Variants in PSME4 observed in about 807,000 individuals in gnomAD.
The protein encoded by PSME4 is proteasome activator subunit 4.
In PSME4, 89 loss-of-function variants were observed where a neutral mutation model predicts 253.9. The observed-to-expected ratio is 0.35, with a 90% confidence interval of 0.30 to 0.42. The LOEUF is 0.42. PSME4 is among the 10% of genes least tolerant of loss of function. The pLI, the probability that PSME4 is intolerant of heterozygous loss-of-function variation, is 1.00. For missense variants in PSME4, 2,014 were observed against 2,195.2 expected, an observed-to-expected ratio of 0.92 and a Z score of 1.65; for synonymous variants, 851 against 759.2, an observed-to-expected ratio of 1.12 and a Z score of -1.99.
At position 53,932,731 on chromosome 2, in the gene PSME4, G is replaced by C; in HGVS notation, c.987C>G (p.His329Gln). ...TGATGCTGTTAAACAAACCAGCTAAGTGTTTTTGCACTAGCTTACTTGGTC... is the reference window on the plus strand; with the variant it reads ...TGATGCTGTTAAACAAACCAGCTAACTGTTTTTGCACTAGCTTACTTGGTC... ...MGGPSKLVQK[H>Q]LAGLFNSITS... The change falls in exon 9 of 47, where the codon CAC becomes CAG. Residue 329 changes from histidine (H) to glutamine (Q), a missense_variant. By Grantham distance (24) the His-to-Gln change is conservative (BLOSUM62 0). This residue lies in a region of PSME4 where 615 missense variants were observed against 594.4 expected (regional missense o/e 1.03). Transcript: ENST00000404125. 1 of 1,613,834 alleles carries C rather than the reference G, an allele frequency of 6.2e-7. No individual in the cohort carries two copies. The highest frequency in any genetic ancestry group is 8.5e-7 in the Non-Finnish European group (1 of 1,179,752).
At chr2:53,917,618 TTAGA>T (rs1387537765) in intron 20 of PSME4, among the ~76,000 whole-genome samples, 1 of 152,198 alleles carries the variant, frequency 6.6e-6, no homozygotes, top group Non-Finnish European at 1.5e-5. Flanking sequence ...GCTTTTGCTC[TTAGA>T]TAAATTATTG....
intron 10 of PSME4, among the ~76,000 whole-genome samples, chr2:53,929,528 C>T (rs1342699000): frequency 6.6e-6 from 1 of 151,840 alleles, no homozygotes; most frequent in Non-Finnish European, 1.5e-5. Flanking sequence ...TTCCTGAGCT[C>T]AAACAATCCA....
At chr2:53,866,915 T>G in intron 44 of PSME4, 35 bp from the exon 45 acceptor site, 1 of 1,594,572 alleles carries the variant, frequency 6.3e-7, no homozygotes, top group Non-Finnish European at 8.6e-7. Context: ...TGCAAATATA[T>G]ATATGTCTCT....
Position 53,937,424 on chromosome 2 carries a change from G to C in PSME4, c.662C>G (p.Ser221Cys), listed in dbSNP as rs1321559750. 1 of 1,608,276 alleles carries C rather than the reference G, an allele frequency of 6.2e-7. No homozygotes were observed. Among genetic ancestry groups the C allele is most frequent in the Non-Finnish European group, 8.5e-7 (1 of 1,176,640 alleles). The stretch of plus-strand genomic sequence containing the variant: ...TTTATGATGAAGTTCTGGAGGAAGG[G>C]AGGTAGGAAGAAATATTTCAAAATA... ...ITYFEIFLPTSLPPELHHKGF... is the reference protein window; with the variant it reads ...ITYFEIFLPTCLPPELHHKGF... Residue 221 changes from serine to cysteine, a missense_variant, in exon 5 of 47, where the codon TCC (serine) becomes TGC (cysteine). By Grantham distance (112) the Ser-to-Cys change is moderately radical. Transcript: ENST00000404125.
intron 1 of PSME4, among the ~76,000 whole-genome samples, chr2:53,964,441 T>C (rs914664561): frequency 2.0e-5 from 3 of 152,238 alleles, no homozygotes; most frequent in Non-Finnish European, 4.4e-5. Flanking sequence ...TTTCCCCTTA[T>C]GGAAAATCAA....
intron 12 of PSME4, 84 bp downstream of exon 12, chr2:53,927,310 G>C (rs780973494): frequency 1.0e-5 from 10 of 985,596 alleles, no homozygotes; most frequent in African/African-American, 6.5e-5. Flanking sequence ...TTCCAAAGTC[G>C]TTTCTAAACT....
intron 31 of PSME4, 24 bp downstream of exon 31, chr2:53,897,846 C>T: frequency 6.2e-7 from 1 of 1,609,186 alleles, no homozygotes. Flanking sequence ...AAACCCAAGA[C>T]TGTAGCTAAA....
At chr2:53,969,149 T>A (rs371209874) in intron 1 of PSME4, among the ~76,000 whole-genome samples, 232 of 152,298 alleles carry the variant, frequency 1.5e-3, no homozygotes, top group African/African-American at 5.4e-3. Flanking sequence ...TATAAAATAT[T>A]CTTTTTTGAC....
intron 18 of PSME4, 101 bp downstream of exon 18, chr2:53,920,788 A>G: frequency 4.1e-6 from 4 of 982,492 alleles, no homozygotes; most frequent in Non-Finnish European, 6.2e-6. Flanking sequence ...AATCTATCTT[A>G]AAAGTAAAAA....
chr2:53,940,954 T>TATTTAAATATATATATAATACATATTTAA lies in PSME4; in HGVS notation c.501-955_501-954insTTAAATATGTATTATATATATATTTAAAT, dbSNP rs1553338439. Among the ~76,000 whole-genome samples, 4 of 17,124 alleles carry TATTTAAATATATATATAATACATATTTAA rather than the reference T, an allele frequency of 2.3e-4. 1 individual carries two copies. Among genetic ancestry groups the TATTTAAATATATATATAATACATATTTAA allele is most frequent in the African/African-American group, 9.5e-4 (3 of 3,168 alleles). The allele number at this position is 17,124 out of a possible 152,430, so 11.2% of individuals were successfully genotyped here. ...ATACATATATAAATATATATATACA[T>TATTTAAATATATATATAATACATATTTAA]ATATATATATATATATATATATATA... On this transcript the variant is annotated intron_variant, in intron 3 of 46. Transcript: ENST00000404125.
rs749414351 is a variant in PSME4, at chr2:53,885,719, G to T, written c.4786C>A (p.Gln1596Lys). The change falls in exon 41 of 47, where the codon CAA becomes AAA. Residue 1596 changes from glutamine (Q) to lysine (K), a missense_variant. Physicochemically the swap from Gln to Lys is moderately conservative, Grantham distance 53 (BLOSUM62 1). Transcript: ENST00000404125. Reference protein sequence around the residue: ...GRSFSTAVTEQLQLLPLFFKI... With the variant: ...GRSFSTAVTEKLQLLPLFFKI... ...AAAAACAAAGGTAGAAGCTGAAGTT[G>T]TTCTGTAACTGCTGTAGAAAAGGAT... The T allele has an allele frequency of 1.9e-6, 3 of 1,612,798 alleles. No homozygotes were observed. Among genetic ancestry groups the T allele is most frequent in the South Asian group, 1.1e-5 (1 of 91,022 alleles).
chr2:53,897,405 G>A (rs1413273255), intron 31 of PSME4, among the ~76,000 whole-genome samples: 2 of 151,996 alleles, frequency 1.3e-5, no homozygotes, highest in Non-Finnish European at 2.9e-5. Context: ...CTGACCTCAG[G>A]TGATCCACCT....
intron 3 of PSME4, among the ~76,000 whole-genome samples, chr2:53,942,536 G>C (rs1033103856): frequency 6.6e-6 from 1 of 151,936 alleles, no homozygotes; most frequent in Non-Finnish European, 1.5e-5. Flanking sequence ...CTTAATTTGA[G>C]TATCAGTTCT....
At position 53,865,437 on chromosome 2, in the gene PSME4, A is replaced by C. The variant is rs2104404705; in HGVS notation, c.*141T>G. On this transcript the variant is annotated 3_prime_UTR_variant, in exon 47 of 47. Transcript: ENST00000404125. ...CTGAGAAGCTGTGGAATGCAGACTA[A>C]CGAGATCTAACACAGAAACCACCAA... 1 of 152,194 alleles carries C rather than the reference A, an allele frequency of 6.6e-6. No homozygotes were observed. Among genetic ancestry groups the C allele is most frequent in the African/African-American group, 2.4e-5 (1 of 41,480 alleles). The allele number at this position is 152,194 out of a possible 1,614,324, so 9.4% of individuals were successfully genotyped here.
chr2:53,957,536 C>T (rs888076079), intron 1 of PSME4, among the ~76,000 whole-genome samples: 1 of 152,134 alleles, frequency 6.6e-6, no homozygotes, highest in Non-Finnish European at 1.5e-5. Context: ...AATGCCACCA[C>T]TGATCTGAGA....
chr2:53,952,269 T>C (rs528014943), intron 1 of PSME4, among the ~76,000 whole-genome samples: 355 of 151,926 alleles, frequency 2.3e-3, no homozygotes, highest in Non-Finnish European at 4.3e-3. Flanking sequence ...TGAAACTTTG[T>C]CTCTACTACA....
chr2:53,920,699 A>G (rs1467599945), intron 18 of PSME4, among the ~76,000 whole-genome samples, 190 bp downstream of exon 18: 1 of 152,242 alleles, frequency 6.6e-6, no homozygotes, highest in Non-Finnish European at 1.5e-5. Flanking sequence ...TCACATATCA[A>G]TAGGAAAGAA....
At chr2:53,866,280 G>A in intron 45 of PSME4, 57 bp from the exon 46 acceptor site, 2 of 1,562,848 alleles carry the variant, frequency 1.3e-6, no homozygotes, top group Non-Finnish European at 1.7e-6. Flanking sequence ...AGGATCATAT[G>A]TAGGATACTT....
intron 16 of PSME4, among the ~76,000 whole-genome samples, chr2:53,922,800 A>G (rs1016746757): frequency 6.1e-5 from 9 of 147,416 alleles, no homozygotes; most frequent in African/African-American, 2.4e-4. Context: ...CTGCCCCTCT[A>G]TATCTCACAA....
Sources: gnomAD v4.1 joint callset for allele counts (sites outside exome capture counted in the v4.1 genomes callset) on GRCh38, gnomAD v4.1.1 for gene constraint, gnomAD v4.1.1 regional missense constraint, MANE v1.5 for transcripts, NCBI Gene and HGNC (gene_info 2026-07-23, HGNC 2026-07-21) for gene names.